TENM2: variants seen among roughly 807,000 people sequenced by gnomAD.
TENM2 encodes teneurin transmembrane protein 2, also known as teneurin-2.
Under a neutral mutation model 245.2 loss-of-function variants are expected in TENM2, and 52 were observed. That is an observed-to-expected ratio of 0.21 (90% CI 0.17 to 0.27). The LOEUF is 0.27. Ranked by LOEUF, TENM2 falls within the 10% of genes least tolerant of loss-of-function variation. TENM2 has a pLI of 1.00. For synonymous variants in TENM2, 1,363 were observed against 1,438.9 expected, an observed-to-expected ratio of 0.95 and a Z score of 1.19; for missense variants, 3,046 against 3,666.8, an observed-to-expected ratio of 0.83 and a Z score of 4.37.
At chr5:167,264,536 C>G in the TENM2 span, among the ~76,000 whole-genome samples, 1 of 152,158 alleles carries the variant, frequency 6.6e-6, no homozygotes, top group Non-Finnish European at 1.5e-5. Context: ...GAGATTGTGT[C>G]ACATTGTCCA....
chr5:167,699,915 GA>G (rs779268201), intron 2 of TENM2, among the ~76,000 whole-genome samples: 5 of 152,152 alleles, frequency 3.3e-5, no homozygotes, highest in Non-Finnish European at 5.9e-5. Flanking sequence ...AACTGACTTG[GA>G]AAAATCACAT....
At chr5:167,105,064 A>G in the TENM2 span, among the ~76,000 whole-genome samples, 10 of 152,244 alleles carry the variant, frequency 6.6e-5, no homozygotes, top group Non-Finnish European at 1.3e-4. Context: ...ATCAAAAACA[A>G]TGGAGAAAAT....
the TENM2 span, among the ~76,000 whole-genome samples, chr5:167,151,985 G>C: frequency 6.6e-6 from 1 of 152,226 alleles, no homozygotes; most frequent in African/African-American, 2.4e-5. Context: ...TTTTTCACAT[G>C]CTCCATTTAG....
intron 15 of TENM2, among the ~76,000 whole-genome samples, chr5:168,195,551 C>CGTGTGT (rs35040257): frequency 1.7e-3 from 171 of 98,230 alleles, no homozygotes; most frequent in Middle Eastern, 5.5e-3. Flanking sequence ...GGTCAATGCA[C>CGTGTGT]GTGTGTGTGT....
intron 2 of TENM2, among the ~76,000 whole-genome samples, chr5:167,430,403 G>A (rs1331510684): frequency 1.3e-5 from 2 of 152,120 alleles, no homozygotes; most frequent in Non-Finnish European, 2.9e-5. Flanking sequence ...TTTCTTAGAA[G>A]TCCCCTTGGT....
At chr5:167,599,800 T>C (rs1776480930) in intron 2 of TENM2, among the ~76,000 whole-genome samples, 1 of 152,138 alleles carries the variant, frequency 6.6e-6, no homozygotes, top group Non-Finnish European at 1.5e-5. Flanking sequence ...CTGTGATAGC[T>C]GACAGATGAC....
At chr5:167,360,552 G>T (rs1316775585) in intron 1 of TENM2, among the ~76,000 whole-genome samples, 2 of 152,116 alleles carry the variant, frequency 1.3e-5, no homozygotes, top group Non-Finnish European at 1.5e-5. Flanking sequence ...TCCATTTATG[G>T]TGTGAGATAA....
chr5:167,591,759 A>C (rs556792521), intron 2 of TENM2, among the ~76,000 whole-genome samples: 1 of 152,330 alleles, frequency 6.6e-6, no homozygotes, highest in African/African-American at 2.4e-5. Flanking sequence ...TAAAGCCCTA[A>C]CCCTATTTCT....
At chr5:167,155,965 G>A in the TENM2 span, among the ~76,000 whole-genome samples, 1 of 152,218 alleles carries the variant, frequency 6.6e-6, no homozygotes. Flanking sequence ...ACTCTTGAGC[G>A]TGTCTGGGTA....
chr5:167,422,036 T>G (rs1285530621), intron 2 of TENM2, among the ~76,000 whole-genome samples: 2 of 152,148 alleles, frequency 1.3e-5, no homozygotes, highest in Admixed American at 1.3e-4. Flanking sequence ...GTGATCCACC[T>G]GCCTCAACCT....
the TENM2 span, among the ~76,000 whole-genome samples, chr5:166,995,476 C>T: frequency 6.6e-6 from 1 of 151,902 alleles, no homozygotes; most frequent in Non-Finnish European, 1.5e-5. Flanking sequence ...TTCCTGACCT[C>T]GTGATCCAGC....
At position 167,563,030 on chromosome 5, in the gene TENM2, T is replaced by A. The variant is rs142284098; in HGVS notation, c.502+187557T>A. Among the ~76,000 whole-genome samples the A allele has an allele frequency of 4.0e-5, 6 of 151,834 alleles. No individual in the cohort carries two copies. The East Asian group carries it at 1.2e-3, about 30-fold the overall frequency. On this transcript the variant is annotated intron_variant, in intron 2 of 28. Transcript: ENST00000518659. ...GATCTACATGTTTATGGAGCCTAAA[T>A]GCCAGTGTGTCACATCCCTGGGCAC...
At chr5:167,635,631 GTCTTTTTTT>G (rs149573414) in intron 2 of TENM2, among the ~76,000 whole-genome samples, 2 of 90,974 alleles carry the variant, frequency 2.2e-5, no homozygotes, top group South Asian at 4.8e-4. Flanking sequence ...GATCAGTACA[GTCTTTTTTT>G]TTTTTTTTTT....
At chr5:167,830,962 GC>G (rs1768421192) in intron 2 of TENM2, among the ~76,000 whole-genome samples, 1 of 152,094 alleles carries the variant, frequency 6.6e-6, no homozygotes, top group East Asian at 1.9e-4. Context: ...GTTGTTTCCA[GC>G]TTTTTATCTC....
intron 1 of TENM2, among the ~76,000 whole-genome samples, chr5:167,363,087 G>T (rs1417617680): frequency 6.6e-6 from 1 of 152,148 alleles, no homozygotes; most frequent in Admixed American, 6.5e-5. Flanking sequence ...GCAAGTAAGA[G>T]AACTCTCCAT....
chr5:167,241,965 A>G, the TENM2 span, among the ~76,000 whole-genome samples: 1 of 151,532 alleles, frequency 6.6e-6, no homozygotes, highest in Non-Finnish European at 1.5e-5. Context: ...ACAGTCTAGA[A>G]CTACATGAGG....
At chr5:166,983,778 T>G in the TENM2 span, among the ~76,000 whole-genome samples, 1 of 152,110 alleles carries the variant, frequency 6.6e-6, no homozygotes, top group Non-Finnish European at 1.5e-5. Flanking sequence ...AAGTTGAGAC[T>G]TCTCAGGACT....
intron 2 of TENM2, among the ~76,000 whole-genome samples, chr5:167,533,874 C>A (rs748895346): frequency 3.3e-5 from 5 of 152,176 alleles, no homozygotes; most frequent in Non-Finnish European, 7.3e-5. Flanking sequence ...AAATTGACAG[C>A]ATGGTATTGG....
intron 2 of TENM2, among the ~76,000 whole-genome samples, chr5:167,466,994 C>A (rs1290656315): frequency 6.6e-6 from 1 of 152,074 alleles, no homozygotes; most frequent in Non-Finnish European, 1.5e-5. Context: ...GTTGCCCAGC[C>A]AAATTGGAGG....
Sources: allele counts gnomAD v4.1 joint callset (sites outside exome capture counted in the v4.1 genomes callset), GRCh38; gene constraint gnomAD v4.1.1; transcripts MANE v1.5; gene names NCBI Gene and HGNC (gene_info 2026-07-23, HGNC 2026-07-21).